Variants in CFAP95 observed in about 807,000 individuals in gnomAD.
CFAP95 encodes the protein cilia- and flagella-associated protein 95.
the CFAP95 span, among the ~76,000 whole-genome samples, chr9:69,839,802 G>T: frequency 5.9e-5 from 9 of 151,600 alleles, no homozygotes; most frequent in South Asian, 8.4e-4. Context: ...TTGGCCAGGC[G>T]CAGTGGCTCC....
the CFAP95 span, among the ~76,000 whole-genome samples, chr9:69,896,320 TTGCTTAGTTTTTGA>T: frequency 6.6e-6 from 1 of 152,234 alleles, no homozygotes; most frequent in African/African-American, 2.4e-5. Flanking sequence ...TAATTGTGTA[TTGCTTAGTTTTTGA>T]TGCTGGCCAT....
At chr9:69,831,572 A>C in the CFAP95 span, among the ~76,000 whole-genome samples, 1 of 152,260 alleles carries the variant, frequency 6.6e-6, no homozygotes, top group Middle Eastern at 3.4e-3. Context: ...GTGAGATAGG[A>C]GTGGGGAGGG....
the CFAP95 span, among the ~76,000 whole-genome samples, chr9:69,868,809 A>C: frequency 4.0e-4 from 61 of 151,972 alleles, no homozygotes; most frequent in East Asian, 0.011. Context: ...TTATTAGAAA[A>C]AAAAAAAAAG....
chr9:69,829,017 T>A, the CFAP95 span, among the ~76,000 whole-genome samples: 7 of 152,252 alleles, frequency 4.6e-5, no homozygotes, highest in Admixed American at 6.5e-5. Context: ...ATGAGCCTTT[T>A]AAAAATATCT....
At chr9:69,874,836 C>T in the CFAP95 span, among the ~76,000 whole-genome samples, 2 of 152,210 alleles carry the variant, frequency 1.3e-5, no homozygotes, top group African/African-American at 4.8e-5. Context: ...CTGGCACAGG[C>T]TTGTTCCTGC....
chr9:69,826,531 C>T, the CFAP95 span, among the ~76,000 whole-genome samples: 2 of 152,204 alleles, frequency 1.3e-5, no homozygotes, highest in Non-Finnish European at 1.5e-5. Flanking sequence ...TAACAACATG[C>T]TGCAGCCTGT....
At chr9:69,858,666 C>T in the CFAP95 span, among the ~76,000 whole-genome samples, 8 of 152,186 alleles carry the variant, frequency 5.3e-5, no homozygotes, top group African/African-American at 1.9e-4. Context: ...TTATATTGAT[C>T]GATTGGTGAA....
At chr9:69,900,145 T>A in the CFAP95 span, among the ~76,000 whole-genome samples, 1 of 152,100 alleles carries the variant, frequency 6.6e-6, no homozygotes. Context: ...TGTATATAGG[T>A]GTGTGTGCAT....
At chr9:69,835,180 A>AT in the CFAP95 span, among the ~76,000 whole-genome samples, 2 of 152,268 alleles carry the variant, frequency 1.3e-5, no homozygotes. Context: ...ATCAGAAAAT[A>AT]CAATAGCTAA....
At chr9:69,895,144 A>G in the CFAP95 span, among the ~76,000 whole-genome samples, 6 of 152,186 alleles carry the variant, frequency 3.9e-5, no homozygotes, top group African/African-American at 1.2e-4. Context: ...AACATTTACA[A>G]TCAGTTAACT....
the CFAP95 span, among the ~76,000 whole-genome samples, chr9:69,872,653 C>T: frequency 6.6e-6 from 1 of 152,074 alleles, no homozygotes; most frequent in Non-Finnish European, 1.5e-5. Flanking sequence ...TCCTCTCCAC[C>T]TCTTACCCAC....
the CFAP95 span, among the ~76,000 whole-genome samples, chr9:69,837,570 A>G: frequency 1.3e-5 from 2 of 151,732 alleles, no homozygotes; most frequent in Non-Finnish European, 2.9e-5. Flanking sequence ...CCACTTTTTG[A>G]TGGGGTTGTT....
the CFAP95 span, among the ~76,000 whole-genome samples, chr9:69,896,103 A>C: frequency 6.6e-6 from 1 of 152,202 alleles, no homozygotes; most frequent in African/African-American, 2.4e-5. Context: ...AGGAGAAATA[A>C]AGTTTTAAAG....
chr9:69,879,840 A>T, the CFAP95 span, among the ~76,000 whole-genome samples: 1 of 149,900 alleles, frequency 6.7e-6, no homozygotes, highest in South Asian at 2.2e-4. Flanking sequence ...GCCATGCCAA[A>T]CCATCCCTGA....
At chr9:69,835,790 G>T in the CFAP95 span, among the ~76,000 whole-genome samples, 1 of 152,148 alleles carries the variant, frequency 6.6e-6, no homozygotes, top group Non-Finnish European at 1.5e-5. Flanking sequence ...AATATGAAAG[G>T]TGCGGCAGTG....
the CFAP95 span, among the ~76,000 whole-genome samples, chr9:69,843,746 T>C: frequency 1.3e-5 from 2 of 150,346 alleles, no homozygotes; most frequent in African/African-American, 4.9e-5. Context: ...CCTGAGGTGA[T>C]CCTCCTAGCC....
chr9:69,861,897 T>A, the CFAP95 span, among the ~76,000 whole-genome samples: 1 of 152,158 alleles, frequency 6.6e-6, no homozygotes, highest in African/African-American at 2.4e-5. Flanking sequence ...CAACCTCCTC[T>A]AGAGGACCTT....
chr9:69,851,876 G>GA, the CFAP95 span, among the ~76,000 whole-genome samples: 69,931 of 142,678 alleles, frequency 0.49, 16,994 homozygotes, highest in African/African-American at 0.58. Context: ...TAAAAATAGA[G>GA]AAAAAAAAAA....
chr9:69,838,218 C>G, the CFAP95 span, among the ~76,000 whole-genome samples: 5 of 152,124 alleles, frequency 3.3e-5, no homozygotes, highest in African/African-American at 4.8e-5. Flanking sequence ...AATGCGGGCT[C>G]TTTTTTGGTT....
Sources: allele counts gnomAD v4.1 joint callset (sites outside exome capture counted in the v4.1 genomes callset), GRCh38; gene constraint gnomAD v4.1.1; transcripts MANE v1.5; gene names NCBI Gene and HGNC (gene_info 2026-07-23, HGNC 2026-07-21).